ZNF546: variants seen among roughly 807,000 people sequenced by gnomAD.
ZNF546 encodes zinc finger protein 546.
Under a neutral mutation model 76.2 loss-of-function variants are expected in ZNF546, and 60 were observed. That is an observed-to-expected ratio of 0.79 (90% CI 0.64 to 0.98). The LOEUF is 0.98. ZNF546 is among the 50% of genes least tolerant of loss of function. The pLI, the probability that ZNF546 is intolerant of heterozygous loss-of-function variation, is 0.00. For missense variants in ZNF546, 936 were observed against 1,035.6 expected (o/e 0.90, Z 1.32); for synonymous variants, 277 against 328.1 (o/e 0.84, Z 1.68).
intron 3 of ZNF546, among the ~76,000 whole-genome samples, chr19:40,003,178 G>A (rs112391591): frequency 0.019 from 2,866 of 151,904 alleles, 54 homozygotes; most frequent in African/African-American, 0.045. Context: ...TGGGACTACA[G>A]GCGCCTGCCA....
intron 3 of ZNF546, 103 bp from the exon 4 acceptor site, chr19:40,005,993 G>A (rs530816705): frequency 1.6e-4 from 154 of 975,870 alleles, no homozygotes; most frequent in Non-Finnish European, 2.4e-4. Flanking sequence ...AGAATGGTGG[G>A]GTTGGAAGTA....
intron 3 of ZNF546, among the ~76,000 whole-genome samples, chr19:40,000,676 A>C (rs1350496216): frequency 2.0e-5 from 3 of 152,054 alleles, no homozygotes. Flanking sequence ...ACAGCTACAA[A>C]TATTCATGTA....
In ZNF546 at chr19:40,013,998, G is replaced by A. The variant is rs2111543; in HGVS notation, c.728G>A (p.Arg243Lys). ...IQHLRIHTGE[R>K]PYKCMECGKA... ...CATCTGAGAATTCACACTGGTGAGAGACCCTATAAATGTATGGAATGTGGA... is the reference window on the plus strand; with the variant it reads ...CATCTGAGAATTCACACTGGTGAGAAACCCTATAAATGTATGGAATGTGGA... The change falls in exon 7 of 7, where the codon AGA becomes AAA. Residue 243 changes from arginine to lysine, a missense_variant. Coordinates refer to ENST00000347077, the MANE Select transcript of ZNF546 (RefSeq NM_178544.5). 6.2e-7 allele frequency: 1 copy of A among 1,612,906 alleles called. No individual in the cohort carries two copies. The highest frequency in any genetic ancestry group is 1.7e-5 in the Admixed American group (1 of 59,914).
In ZNF546 at chr19:40,013,904, G is replaced by T. The variant is rs1971707266; in HGVS notation, c.634G>T (p.Ala212Ser). 2.5e-6 allele frequency: 4 copies of T among 1,607,708 alleles called. No individual in the cohort carries two copies. Among genetic ancestry groups the T allele is most frequent in the South Asian group, 1.1e-5 (1 of 90,136 alleles). ...TCATCCTCTACATCCAAAAATTCAT[G>T]CTAGAGAGAAATCATATGAATGTAA... ...ISHPLHPKIHAREKSYECKEC... is the reference protein window; with the variant it reads ...ISHPLHPKIHSREKSYECKEC... The change falls in exon 7 of 7, where the codon GCT (alanine) becomes TCT (serine). Residue 212 changes from alanine (A) to serine (S), a missense_variant. By Grantham distance (99) the Ala-to-Ser change is moderately conservative. Transcript: ENST00000347077.
At chr19:39,998,459 G>A in intron 3 of ZNF546, 49 bp downstream of exon 3, 1 of 1,461,176 alleles carries the variant, frequency 6.8e-7, no homozygotes, top group African/African-American at 1.4e-5. Flanking sequence ...TTGTTTTATT[G>A]AGATTAATGT....
In ZNF546 at chr19:40,014,898, A is replaced by G. The variant is rs1390631650; in HGVS notation, c.1628A>G (p.His543Arg). 1.2e-6 allele frequency: 2 copies of G among 1,614,024 alleles called. No individual in the cohort carries two copies. The highest frequency in any genetic ancestry group is 8.5e-7 in the Non-Finnish European group (1 of 1,179,946). Residue 543 changes from histidine (H) to arginine (R), a missense_variant, in exon 7 of 7, where the codon CAT becomes CGT. Coordinates refer to ENST00000347077, the MANE Select transcript of ZNF546 (RefSeq NM_178544.5). ...AFRLQGELTR[H>R]HRIHTCEKPY... ...CGTCTTCAAGGAGAACTTACCCGAC[A>G]TCACAGAATTCATACATGTGAGAAA...
At position 40,015,668 on chromosome 19, in the gene ZNF546, A is replaced by G. The variant is rs1249072562; in HGVS notation, c.2398A>G (p.Thr800Ala). ...SELTRHHRIH[T>A]GEKPYQCKEC... The stretch of plus-strand genomic sequence containing the variant: ...ACTTACTCGACATCACAGAATTCAT[A>G]CTGGTGAAAAACCCTATCAATGTAA... The change falls in exon 7 of 7, where the codon ACT becomes GCT. Residue 800 changes from threonine (T) to alanine (A), a missense_variant. Physicochemically the swap from Thr to Ala is moderately conservative, Grantham distance 58 (BLOSUM62 0). Transcript: ENST00000347077. The G allele has an allele frequency of 1.2e-6, 2 of 1,614,112 alleles. No individual in the cohort carries two copies. The highest frequency in any genetic ancestry group is 8.5e-7 in the Non-Finnish European group (1 of 1,180,042).
rs1187489860 is a variant in ZNF546 at position 40,014,071 on chromosome 19, T to C, written c.801T>C (p.His267=). Residue 267 remains histidine (H), a synonymous_variant, in exon 7 of 7, where the codon CAT becomes CAC. Transcript: ENST00000347077. ...VGDLRVHHTI[H]AGERPYECKE... ...ACCTTAGAGTACATCACACAATCCA[T>C]GCTGGGGAGAGACCCTATGAATGTA... 6.2e-7 allele frequency: 1 copy of C among 1,613,224 alleles called. No individual in the cohort carries two copies. Among genetic ancestry groups the C allele is most frequent in the Non-Finnish European group, 8.5e-7 (1 of 1,179,408 alleles).
chr19:40,015,000 G>A lies in ZNF546; in HGVS notation c.1730G>A (p.Ser577Asn). 1 of 1,614,106 alleles carries A rather than the reference G, an allele frequency of 6.2e-7. No homozygotes were observed. Among genetic ancestry groups the A allele is most frequent in the South Asian group, 1.1e-5 (1 of 91,086 alleles). Residue 577 changes from serine to asparagine, a missense_variant, in exon 7 of 7, where the codon AGT becomes AAT. Ser to Asn is a conservative substitution (Grantham distance 46). Transcript: ENST00000347077. ...QFISHQRIHT[S>N]ESTYICKECG... Reference sequence around the variant, plus strand: ...ATTTCACACCAGCGAATTCACACCAGTGAGAGCACCTACATATGTAAAGAA... The same window carrying A: ...ATTTCACACCAGCGAATTCACACCAATGAGAGCACCTACATATGTAAAGAA...
At position 40,014,077 on chromosome 19, in the gene ZNF546, GGA is replaced by G. The variant is rs1256407572; in HGVS notation, c.812_813del (p.Arg271ThrfsTer3). ...LRVHHTIHAG[E>X]RPYECKECGK... is the part of the protein sequence containing the mutation. Reference sequence around the variant, plus strand: ...GAGTACATCACACAATCCATGCTGGGGAGAGACCCTATGAATGTAAAGAATGT... The same window carrying G: ...GAGTACATCACACAATCCATGCTGGGGAGACCCTATGAATGTAAAGAATGT... On this transcript the variant is annotated frameshift_variant, in exon 7 of 7. Transcript: ENST00000347077. LOFTEE classifies it high-confidence loss of function. The G allele has an allele frequency of 6.2e-7, 1 of 1,613,112 alleles. No homozygotes were observed. Among genetic ancestry groups the G allele is most frequent in the African/African-American group, 1.3e-5 (1 of 74,802 alleles).
At chr19:39,998,471 T>G in intron 3 of ZNF546, 61 bp downstream of exon 3, 1 of 1,372,844 alleles carries the variant, frequency 7.3e-7, no homozygotes, top group South Asian at 1.2e-5. Context: ...GATTAATGTT[T>G]AGGTAGAATC....
intron 3 of ZNF546, among the ~76,000 whole-genome samples, chr19:40,004,539 G>C (rs1297545546): frequency 6.6e-6 from 1 of 152,088 alleles, no homozygotes; most frequent in African/African-American, 2.4e-5. Flanking sequence ...AGCGTGCTAG[G>C]ATTACAGGCG....
rs371986962 is a variant in ZNF546 at position 39,998,318 on chromosome 19, C to A, written c.-9C>A. 11 of 1,613,144 alleles carry A rather than the reference C, an allele frequency of 6.8e-6. No individual in the cohort carries two copies. The African/African-American group carries it at 1.3e-4, about 20-fold the overall frequency. On this transcript the variant is annotated 5_prime_UTR_variant, in exon 3 of 7. Transcript: ENST00000347077. Reference sequence around the variant, plus strand: ...ATCCCAGGCCTTCCTTTCCAGTGAACAATGGACCATGCAGGTGGACCCTCC... The same window carrying A: ...ATCCCAGGCCTTCCTTTCCAGTGAAAAATGGACCATGCAGGTGGACCCTCC...
At chr19:40,009,442 A>C (rs1971644136) in intron 6 of ZNF546, among the ~76,000 whole-genome samples, 1 of 152,200 alleles carries the variant, frequency 6.6e-6, no homozygotes, top group Non-Finnish European at 1.5e-5. Flanking sequence ...ATTGAGGTAT[A>C]ATTTATATAG....
At position 40,013,723 on chromosome 19, in the gene ZNF546, CT is replaced by C; in HGVS notation, c.454del (p.Tyr152IlefsTer46). ...TTTCAGAAAAGAATGTTTGCAAAAT[CT>C]ATTTATCTCAATTGCAGACAGGGGA... ...LLSEKNVCKIYLSQLQTGEKS... is the reference protein window; with the variant it reads ...LLSEKNVCKIXLSQLQTGEKS... On this transcript the variant is annotated frameshift_variant, in exon 7 of 7. Transcript: ENST00000347077. LOFTEE classifies it high-confidence loss of function. 6.5e-7 allele frequency: 1 copy of C among 1,528,762 alleles called. No homozygotes were observed. Among genetic ancestry groups the C allele is most frequent in the Non-Finnish European group, 8.8e-7 (1 of 1,132,310 alleles). 94.7% of individuals were successfully genotyped at this position (1,528,762 alleles called of 1,614,324 possible).
rs1971823107 is a variant in ZNF546 at position 40,019,309 on chromosome 19, T to C, written c.*3528T>C. ...CTCTACTCCCAGTGACTTAATACTG[T>C]CTCTTTAACATAGTAATCACTTATA... On this transcript the variant is annotated 3_prime_UTR_variant, in exon 7 of 7. Transcript: ENST00000347077. 1 of 152,156 alleles carries C rather than the reference T, an allele frequency of 6.6e-6. No homozygotes were observed. Among genetic ancestry groups the C allele is most frequent in the East Asian group, 1.9e-4 (1 of 5,198 alleles). 9.4% of individuals were successfully genotyped at this position (152,156 alleles called of 1,614,324 possible).
intron 2 of ZNF546, among the ~76,000 whole-genome samples, 155 bp from the exon 3 acceptor site, chr19:39,998,093 T>C (rs1034951976): frequency 2.6e-5 from 4 of 152,224 alleles, no homozygotes; most frequent in African/African-American, 9.6e-5. Context: ...CATCCCCAGG[T>C]ACTTTCTGTA....
chr19:40,015,541 C>T lies in ZNF546; in HGVS notation c.2271C>T (p.Ala757=). The change falls in exon 7 of 7, where the codon GCC becomes GCT. Residue 757 remains alanine, a synonymous_variant. Transcript: ENST00000347077. ...KPYSCKECGN[A]FRLQAELTRH... ...ATAGCTGTAAAGAATGTGGGAATGCCTTTCGTCTTCAAGCAGAACTTACTC... is the reference window on the plus strand; with the variant it reads ...ATAGCTGTAAAGAATGTGGGAATGCTTTTCGTCTTCAAGCAGAACTTACTC... The T allele has an allele frequency of 1.9e-6, 3 of 1,614,060 alleles. No homozygotes were observed.
chr19:40,013,619 A>G, intron 6 of ZNF546, 46 bp from the exon 7 acceptor site: 1 of 1,435,182 alleles, frequency 7.0e-7, no homozygotes. Context: ...AAATAGCATT[A>G]TAGCATTTGT....
Sources: gnomAD v4.1 joint callset for allele counts (sites outside exome capture counted in the v4.1 genomes callset) on GRCh38, gnomAD v4.1.1 for gene constraint, MANE v1.5 for transcripts, NCBI Gene and HGNC (gene_info 2026-07-23, HGNC 2026-07-21) for gene names.